The following SNRPD1 variants were observed in gnomAD, a reference collection of about 807,000 sequenced individuals.
The protein encoded by SNRPD1 is small nuclear ribonucleoprotein D1 polypeptide.
SNRPD1 carries 1 observed loss-of-function variant against 14.4 expected under a neutral mutation model. The observed-to-expected ratio is 0.07, with a 90% CI of 0.02 to 0.33. The LOEUF (loss-of-function observed/expected upper bound fraction) is 0.33. Among genes scored for constraint, SNRPD1 ranks in the 10% least tolerant of loss-of-function variants. The probability of loss-of-function intolerance (pLI) is 1.00; values close to 1 mark genes in which losing one functional copy is unlikely to be tolerated. For synonymous variants in SNRPD1, 42 were observed against 50.3 expected, an observed-to-expected ratio of 0.83 and a Z score of 0.70; for missense variants, 52 against 146.4, an observed-to-expected ratio of 0.36 and a Z score of 3.33.
At chr18:21,612,639 T>C (rs1372679420) in intron 1 of SNRPD1, among the ~76,000 whole-genome samples, 196 bp downstream of exon 1, 4 of 152,278 alleles carry the variant, frequency 2.6e-5, no homozygotes, top group African/African-American at 7.2e-5. Context: ...CCGCGTGTCT[T>C]CCAAGAGATT....
intron 1 of SNRPD1, among the ~76,000 whole-genome samples, chr18:21,621,834 C>A (rs9950960): frequency 0.01 from 1,597 of 152,254 alleles, 34 homozygotes; most frequent in African/African-American, 0.036. Flanking sequence ...TCCTCGGCCT[C>A]CCAAAGTGCT....
chr18:21,621,687 C>T (rs1162885149), intron 1 of SNRPD1, among the ~76,000 whole-genome samples: 1 of 152,110 alleles, frequency 6.6e-6, no homozygotes, highest in Non-Finnish European at 1.5e-5. Context: ...AAGCGATTCT[C>T]CTGCCTCAGC....
chr18:21,612,429 G>C lies in SNRPD1; in HGVS notation c.-1G>C. ...ACCCAGAGGGTGACGGCGCCGCTAG[G>C]ATGAAGCTCGTGAGGTGAGGGAGTG... On this transcript the variant is annotated 5_prime_UTR_variant, in exon 1 of 4. Coordinates refer to ENST00000300413, the MANE Select transcript of SNRPD1 (RefSeq NM_006938.4). 1 of 1,559,822 alleles carries C rather than the reference G, an allele frequency of 6.4e-7. No homozygotes were observed.
chr18:21,624,318 G>A (rs911746892), intron 3 of SNRPD1, among the ~76,000 whole-genome samples: 1 of 151,518 alleles, frequency 6.6e-6, no homozygotes, highest in Non-Finnish European at 1.5e-5. Context: ...GGCGGAGGTT[G>A]CAGTGAGCCG....
chr18:21,629,243 C>G lies in SNRPD1; in HGVS notation c.*105C>G. On this transcript the variant is annotated 3_prime_UTR_variant, in exon 4 of 4. Transcript: ENST00000300413. The stretch of plus-strand genomic sequence containing the variant: ...AAACATAAATGTGGGACAGAGCTGT[C>G]TATTTAGTATATCAAAGTTTTAGTA... 1 of 851,012 alleles carries G rather than the reference C, an allele frequency of 1.2e-6. No individual in the cohort carries two copies. 52.7% of individuals were successfully genotyped at this position (851,012 alleles called of 1,614,324 possible). A position where few individuals can be genotyped will look rare whatever the true frequency, so the allele number is the denominator to read the frequency against.
chr18:21,627,595 TTTGTTG>T (rs951571300), intron 3 of SNRPD1, among the ~76,000 whole-genome samples: 5 of 151,812 alleles, frequency 3.3e-5, no homozygotes, highest in South Asian at 4.2e-4. Flanking sequence ...GCCCAGCCCT[TTTGTTG>T]TTGTTGTTGT....
chr18:21,612,562 C>G (rs2038926553), intron 1 of SNRPD1, 119 bp downstream of exon 1: 4 of 738,826 alleles, frequency 5.4e-6, no homozygotes, highest in Middle Eastern at 3.2e-4. Context: ...GGCCTGCTAA[C>G]GGCCGGCCTT....
rs1482794960 is a variant in SNRPD1 at position 21,626,925 on chromosome 18, T to A, written c.284-2137T>A. Among the ~76,000 whole-genome samples the A allele has an allele frequency of 2.0e-5, 3 of 151,418 alleles. No homozygotes were observed. In the South Asian group the frequency reaches 6.3e-4, roughly 32 times the overall value. On this transcript the variant is annotated intron_variant, in intron 3 of 3. Transcript: ENST00000300413. ...CCCTGGCTTCAGGCTGTCTTCTGCG[T>A]TGGCCTCCCAAATGTTTGGATTTTT...
rs139632570 is a variant in SNRPD1 at position 21,624,386 on chromosome 18, A to C, written c.283+447A>C. Reference sequence around the variant, plus strand: ...AGAGCCACTGTCTCAAAAAAAAAAAAAACCAAACAACAAATATCGATGTGG... The same window carrying C: ...AGAGCCACTGTCTCAAAAAAAAAAACAACCAAACAACAAATATCGATGTGG... On this transcript the variant is annotated intron_variant, in intron 3 of 3. Transcript: ENST00000300413. Among the ~76,000 whole-genome samples the C allele has an allele frequency of 2.4e-4, 36 of 149,400 alleles. 2 individuals are homozygous for C. The East Asian group carries it at 6.7e-3, about 28-fold the overall frequency.
chr18:21,616,515 G>C (rs1489531175), intron 1 of SNRPD1, among the ~76,000 whole-genome samples: 1 of 151,524 alleles, frequency 6.6e-6, no homozygotes, highest in Non-Finnish European at 1.5e-5. Flanking sequence ...CTGCCACCAC[G>C]CCTGGCTAAT....
intron 3 of SNRPD1, among the ~76,000 whole-genome samples, chr18:21,624,703 T>A (rs4800288): frequency 0.045 from 6,095 of 134,372 alleles, 132 homozygotes; most frequent in Middle Eastern, 0.14. Context: ...AAAAAAAAAA[T>A]ATATATATAT....
At chr18:21,614,945 A>T (rs377066451) in intron 1 of SNRPD1, among the ~76,000 whole-genome samples, 84 of 152,106 alleles carry the variant, frequency 5.5e-4, no homozygotes, top group African/African-American at 1.9e-3. Flanking sequence ...TTTTTATCCC[A>T]CTCATGGATT....
chr18:21,617,082 G>T (rs1038748923), intron 1 of SNRPD1, among the ~76,000 whole-genome samples: 1 of 152,060 alleles, frequency 6.6e-6, no homozygotes, highest in African/African-American at 2.4e-5. Flanking sequence ...TTTCTGTATG[G>T]ATTTCCAGTT....
intron 1 of SNRPD1, among the ~76,000 whole-genome samples, chr18:21,617,378 C>T (rs754850596): frequency 6.6e-6 from 1 of 152,044 alleles, no homozygotes; most frequent in African/African-American, 2.4e-5. Context: ...AATGTGGGAC[C>T]AGAAATAGAT....
At chr18:21,613,469 G>C (rs1227602484) in intron 1 of SNRPD1, among the ~76,000 whole-genome samples, 1 of 152,136 alleles carries the variant, frequency 6.6e-6, no homozygotes, top group Non-Finnish European at 1.5e-5. Flanking sequence ...TGCCTTGTTG[G>C]AGTTTTCTGG....
chr18:21,622,514 C>T (rs1374920914), intron 1 of SNRPD1, among the ~76,000 whole-genome samples: 1 of 152,028 alleles, frequency 6.6e-6, no homozygotes, highest in South Asian at 2.1e-4. Flanking sequence ...TTAGAAACGT[C>T]CAAATGACAG....
Position 21,631,962 on chromosome 18 carries a change from A to C in SNRPD1, c.*2824A>C, listed in dbSNP as rs2039087902. On this transcript the variant is annotated 3_prime_UTR_variant, in exon 4 of 4. Transcript: ENST00000300413. ...CCTCGTGGAGCTTATAGACAGAAGC[A>C]GATAACAAATAAAAATTGGAGCTTA... The C allele has an allele frequency of 6.6e-6, 1 of 152,150 alleles. No individual in the cohort carries two copies. The highest frequency in any genetic ancestry group is 2.1e-4 in the South Asian group (1 of 4,824). 9.4% of individuals were successfully genotyped at this position (152,150 alleles called of 1,614,324 possible).
chr18:21,625,411 G>A (rs1481689947), intron 3 of SNRPD1, among the ~76,000 whole-genome samples: 1 of 141,922 alleles, frequency 7.0e-6, no homozygotes, highest in Non-Finnish European at 1.5e-5. Flanking sequence ...CTGCCTCCTG[G>A]GTTCAAGCGA....
chr18:21,616,315 G>T (rs1047409758), intron 1 of SNRPD1, among the ~76,000 whole-genome samples: 1 of 151,466 alleles, frequency 6.6e-6, no homozygotes, highest in African/African-American at 2.4e-5. Context: ...CTGTGTCCTG[G>T]ATACCAGTTC....
Sources: gnomAD v4.1 joint callset for allele counts (sites outside exome capture counted in the v4.1 genomes callset) on GRCh38, gnomAD v4.1.1 for gene constraint, MANE v1.5 for transcripts, NCBI Gene and HGNC (gene_info 2026-07-23, HGNC 2026-07-21) for gene names.